Variants in TMCC3 observed in about 807,000 individuals in gnomAD.
TMCC3 encodes the protein transmembrane and coiled-coil domain family 3, also known as transmembrane and coiled-coil domain protein 3.
TMCC3 carries 28 observed loss-of-function variants against 40.2 expected under a neutral mutation model. The observed-to-expected ratio is 0.70, with a 90% CI of 0.52 to 0.95. The LOEUF (loss-of-function observed/expected upper bound fraction) is 0.95. Among genes scored for constraint, TMCC3 ranks in the 40% least tolerant of loss-of-function variants. The pLI is 0.00. For missense variants in TMCC3, 554 were observed against 615.2 expected, an observed-to-expected ratio of 0.90 and a Z score of 1.05; for synonymous variants, 255 against 248.5, an observed-to-expected ratio of 1.03 and a Z score of -0.25.
chr12:94,625,559 A>G (rs1270247363), intron 1 of TMCC3, among the ~76,000 whole-genome samples: 3 of 147,158 alleles, frequency 2.0e-5, no homozygotes, highest in Admixed American at 1.4e-4. Context: ...GTGCCACTGC[A>G]CTCCAGTCTG....
At chr12:94,609,312 C>T (rs1261978216) in intron 1 of TMCC3, among the ~76,000 whole-genome samples, 2 of 152,136 alleles carry the variant, frequency 1.3e-5, no homozygotes, top group African/African-American at 4.8e-5. Flanking sequence ...AGGGTTTGAA[C>T]CCAGGTGTGA....
At chr12:94,649,325 C>T (rs1404210191) in intron 1 of TMCC3, among the ~76,000 whole-genome samples, 1 of 152,226 alleles carries the variant, frequency 6.6e-6, no homozygotes, top group Non-Finnish European at 1.5e-5. Context: ...CTACTATTTC[C>T]ATCCAGTTGG....
Position 94,578,466 on chromosome 12 carries a change from G to T in TMCC3, c.1059C>A (p.Asn353Lys). The T allele has an allele frequency of 1.9e-6, 3 of 1,614,168 alleles. No individual in the cohort carries two copies. Among genetic ancestry groups the T allele is most frequent in the Non-Finnish European group, 2.5e-6 (3 of 1,180,028 alleles). ...CAATGCTGGCCAGCTCCTGCTTCAG[G>T]TTGGCTGTCTCATGCTGATGCAGGT... is the stretch of plus-strand genomic sequence containing the variant. ...LTDLHQHETA[N>K]LKQELASIEE... Residue 353 changes from asparagine to lysine, a missense_variant, in exon 3 of 4, where the codon AAC (asparagine) becomes AAA (lysine). Physicochemically the swap from Asn to Lys is moderately conservative, Grantham distance 94. Transcript: ENST00000261226.
intron 1 of TMCC3, among the ~76,000 whole-genome samples, chr12:94,635,284 A>C (rs2138879823): frequency 6.6e-6 from 1 of 152,344 alleles, no homozygotes; most frequent in Non-Finnish European, 1.5e-5. Context: ...GCTTGAAAGC[A>C]GTCTGGGGCT....
intron 1 of TMCC3, among the ~76,000 whole-genome samples, chr12:94,603,988 A>G (rs2068767977): frequency 6.6e-6 from 1 of 152,232 alleles, no homozygotes; most frequent in Admixed American, 6.5e-5. Context: ...ACATTTTTAA[A>G]GTTTCCCAAA....
At chr12:94,608,349 T>C (rs1320820047) in intron 1 of TMCC3, among the ~76,000 whole-genome samples, 1 of 152,350 alleles carries the variant, frequency 6.6e-6, no homozygotes, top group East Asian at 1.9e-4. Flanking sequence ...GATATGATGA[T>C]CTGAAAGTCT....
chr12:94,631,022 C>T (rs1022049716), intron 1 of TMCC3, among the ~76,000 whole-genome samples: 13 of 152,172 alleles, frequency 8.5e-5, no homozygotes, highest in Admixed American at 2.6e-4. Flanking sequence ...GGATTACATG[C>T]GTGAGCCACG....
chr12:94,633,568 A>G (rs890170397), intron 1 of TMCC3, among the ~76,000 whole-genome samples: 1 of 152,218 alleles, frequency 6.6e-6, no homozygotes, highest in African/African-American at 2.4e-5. Context: ...TCTTTGTGAA[A>G]CAGTTGCTGT....
intron 1 of TMCC3, among the ~76,000 whole-genome samples, chr12:94,635,183 CTAACA>C (rs1449053916): frequency 1.6e-4 from 24 of 152,174 alleles, no homozygotes; most frequent in African/African-American, 5.8e-4. Flanking sequence ...ATTCGCCATC[CTAACA>C]TAAGTGACAA....
intron 1 of TMCC3, among the ~76,000 whole-genome samples, chr12:94,586,770 T>G (rs2068640831): frequency 6.6e-6 from 1 of 152,220 alleles, no homozygotes; most frequent in African/African-American, 2.4e-5. Flanking sequence ...CACAGGAATG[T>G]TTATGCACAG....
intron 1 of TMCC3, among the ~76,000 whole-genome samples, chr12:94,640,893 C>T (rs1008605574): frequency 9.9e-5 from 15 of 152,228 alleles, no homozygotes; most frequent in African/African-American, 3.1e-4. Flanking sequence ...GACAGATGAT[C>T]GACATTTAAG....
intron 1 of TMCC3, among the ~76,000 whole-genome samples, chr12:94,586,578 T>A (rs1344328202): frequency 6.6e-6 from 1 of 152,256 alleles, no homozygotes; most frequent in Non-Finnish European, 1.5e-5. Flanking sequence ...TATTGAGAAG[T>A]CCACAACAAC....
At chr12:94,644,369 A>T (rs2069006945) in intron 1 of TMCC3, 1 of 985,250 alleles carries the variant, frequency 1.0e-6, no homozygotes, top group African/African-American at 1.7e-5. Flanking sequence ...GGCATTTTCC[A>T]AGTAGGACTA....
chr12:94,582,190 T>C lies in TMCC3; in HGVS notation c.427A>G (p.Ile143Val). 6 of 1,614,160 alleles carry C rather than the reference T, an allele frequency of 3.7e-6. No individual in the cohort carries two copies. The South Asian group carries it at 5.5e-5, about 15-fold the overall frequency. Residue 143 changes from isoleucine to valine, a missense_variant, in exon 2 of 4, where the codon ATC (isoleucine) becomes GTC (valine). Physicochemically the swap from Ile to Val is conservative, Grantham distance 29. Coordinates refer to ENST00000261226, the MANE Select transcript of TMCC3 (RefSeq NM_020698.4). ...CTCCTAGAGGCTCCATTCTGCTCGA[T>C]CTCTCTGAGCTTTCGATGATACTGC... ...LEQYHRKLRE[I>V]EQNGASRSSK...
At chr12:94,605,313 A>G (rs1156459018) in intron 1 of TMCC3, among the ~76,000 whole-genome samples, 1 of 152,234 alleles carries the variant, frequency 6.6e-6, no homozygotes, top group Admixed American at 6.5e-5. Flanking sequence ...GATACTGTTT[A>G]GGTTCTTATT....
intron 1 of TMCC3, among the ~76,000 whole-genome samples, chr12:94,641,715 G>A (rs866075402): frequency 2.6e-5 from 4 of 152,074 alleles, no homozygotes; most frequent in Admixed American, 2.0e-4. Context: ...CTCACAGAAC[G>A]GAGAGCTTTG....
intron 1 of TMCC3, among the ~76,000 whole-genome samples, chr12:94,635,368 G>C (rs905206919): frequency 6.6e-6 from 1 of 152,118 alleles, no homozygotes; most frequent in East Asian, 1.9e-4. Flanking sequence ...TCCATCTCCC[G>C]AGCTGCGAGC....
intron 3 of TMCC3, among the ~76,000 whole-genome samples, chr12:94,573,544 C>T (rs934193062): frequency 1.3e-5 from 2 of 152,084 alleles, no homozygotes; most frequent in South Asian, 2.1e-4. Flanking sequence ...TCATGCCAGC[C>T]GCTTGCCCTG....
chr12:94,580,915 C>T (rs977889002), intron 2 of TMCC3, among the ~76,000 whole-genome samples: 4 of 152,282 alleles, frequency 2.6e-5, no homozygotes, highest in Non-Finnish European at 5.9e-5. Context: ...ACTGAATCAG[C>T]ATCTTAAGAT....
Sources: gnomAD v4.1 joint callset for allele counts (sites outside exome capture counted in the v4.1 genomes callset) on GRCh38, gnomAD v4.1.1 for gene constraint, MANE v1.5 for transcripts, NCBI Gene and HGNC (gene_info 2026-07-23, HGNC 2026-07-21) for gene names.